The following XDH variants were observed in gnomAD, a reference collection of about 807,000 sequenced individuals.
The protein encoded by XDH is xanthine dehydrogenase.
A neutral mutation model predicts 156.1 loss-of-function variants in XDH; 138 were observed. The ratio of observed to expected loss-of-function variants is 0.88; its 90% CI spans 0.77 to 1.02. XDH has a LOEUF of 1.02. Among genes scored for constraint, XDH ranks in the 50% least tolerant of loss-of-function variants. XDH has a pLI of 0.00. For missense variants in XDH, 1,849 were observed against 1,684.9 expected, an observed-to-expected ratio of 1.10 and a Z score of -1.71; for synonymous variants, 669 against 625.7, an observed-to-expected ratio of 1.07 and a Z score of -1.03.
chr2:31,346,919 C>CA (rs1252712368), intron 29 of XDH, 76 bp from the exon 30 acceptor site: 1 of 1,592,280 alleles, frequency 6.3e-7, no homozygotes, highest in East Asian at 2.2e-5. Flanking sequence ...CCGAGGGCCC[C>CA]AGCAAGGCTA....
intron 24 of XDH, among the ~76,000 whole-genome samples, chr2:31,360,568 T>C (rs1192866363): frequency 6.6e-6 from 1 of 152,216 alleles, no homozygotes; most frequent in African/African-American, 2.4e-5. Flanking sequence ...TCTCCTGCTC[T>C]GTCCTGTGCG....
At chr2:31,400,589 G>A (rs944645170) in intron 4 of XDH, among the ~76,000 whole-genome samples, 1 of 152,102 alleles carries the variant, frequency 6.6e-6, no homozygotes, top group Non-Finnish European at 1.5e-5. Context: ...CCCCAAACCA[G>A]TCTAAGATTA....
In XDH at chr2:31,337,763, C is replaced by T; in HGVS notation, c.3829G>A (p.Asp1277Asn). Reference sequence around the variant, plus strand: ...TGAGCTCGAGCTGCACGGATGGCATCTTTGATGGCAAAGAAGATAGAAGCA... The same window carrying T: ...TGAGCTCGAGCTGCACGGATGGCATTTTTGATGGCAAAGAAGATAGAAGCA... ...LAASIFFAIK[D>N]AIRAARAQHT... Residue 1277 changes from aspartate (D) to asparagine (N), a missense_variant, in exon 35 of 36, where the codon GAT becomes AAT. Asp to Asn is a conservative substitution (Grantham distance 23, BLOSUM62 1). Transcript: ENST00000379416. The T allele has an allele frequency of 1.2e-6, 2 of 1,614,216 alleles. No homozygotes were observed. The highest frequency in any genetic ancestry group is 1.7e-6 in the Non-Finnish European group (2 of 1,180,040).
In XDH at chr2:31,349,744, C is replaced by T. The variant is rs148921536; in HGVS notation, c.2911G>A (p.Glu971Lys). The change falls in exon 26 of 36, where the codon GAA (glutamate) becomes AAA (lysine). Residue 971 changes from glutamate (E) to lysine (K), a missense_variant. Transcript: ENST00000379416. ...EGFTLPRCWE[E>K]CLASSQYHAR... ...TGATACTGAGAGCTTGCTAGGCATT[C>T]TTCCCAGCATCTGGGCAAGGTGAAA... The T allele has an allele frequency of 1.1e-4, 172 of 1,614,100 alleles. No individual in the cohort carries two copies. The highest frequency in any genetic ancestry group is 1.4e-4 in the Non-Finnish European group (167 of 1,180,052).
intron 31 of XDH, among the ~76,000 whole-genome samples, chr2:31,343,285 CATATATATATATATATATATATATATAT>C (rs60481824): frequency 5.0e-4 from 34 of 68,378 alleles, no homozygotes; most frequent in Non-Finnish European, 7.4e-4. Context: ...ATTTCTTCAC[CATATATATATATATATATATATATATAT>C]ATATATATAT....
intron 24 of XDH, among the ~76,000 whole-genome samples, chr2:31,352,758 T>G: frequency 6.6e-6 from 1 of 152,232 alleles, no homozygotes. Context: ...ATTCTTTTTT[T>G]GAACAATTTT....
At chr2:31,353,098 C>G (rs571172230) in intron 24 of XDH, among the ~76,000 whole-genome samples, 1 of 150,530 alleles carries the variant, frequency 6.6e-6, no homozygotes, top group Non-Finnish European at 1.5e-5. Flanking sequence ...ATTTAAAAAA[C>G]TGTAAAAAGT....
intron 24 of XDH, among the ~76,000 whole-genome samples, chr2:31,350,617 G>A (rs1486648547): frequency 5.9e-5 from 9 of 151,780 alleles, no homozygotes; most frequent in South Asian, 2.1e-4. Context: ...CTCGTGATCC[G>A]CCCGCCTTGG....
intron 24 of XDH, among the ~76,000 whole-genome samples, chr2:31,362,133 G>C (rs890132636): frequency 6.6e-6 from 1 of 152,034 alleles, no homozygotes; most frequent in African/African-American, 2.4e-5. Flanking sequence ...TGCCTTTTGG[G>C]GTGAGTAGAG....
At chr2:31,393,448 A>C (rs756747916) in intron 6 of XDH, among the ~76,000 whole-genome samples, 1 of 152,004 alleles carries the variant, frequency 6.6e-6, no homozygotes, top group East Asian at 1.9e-4. Context: ...CTTTCTTTCG[A>C]TTAGTATATC....
At chr2:31,402,261 T>C (rs1376223512) in intron 3 of XDH, among the ~76,000 whole-genome samples, 2 of 152,252 alleles carry the variant, frequency 1.3e-5, no homozygotes, top group Non-Finnish European at 2.9e-5. Context: ...AAGGCAATTG[T>C]ATAATTGTAA....
At position 31,403,105 on chromosome 2, in the gene XDH, C is replaced by T. The variant is rs1403617469; in HGVS notation, c.140G>A (p.Gly47Asp). Residue 47 changes from glycine to aspartate, a missense_variant, in exon 3 of 36, where the codon GGC becomes GAC. Coordinates refer to ENST00000379416, the MANE Select transcript of XDH (RefSeq NM_000379.4). ...GAGCATCACTGTGCAAGCCCCGCAG[C>T]CCCCCTCTCCACAGCCGAGCTTGGT... ...SGTKLGCGEG[G>D]CGACTVMLSK... 1 of 1,614,136 alleles carries T rather than the reference C, an allele frequency of 6.2e-7. No individual in the cohort carries two copies. Among genetic ancestry groups the T allele is most frequent in the African/African-American group, 1.3e-5 (1 of 75,056 alleles).
chr2:31,367,111 G>T, intron 20 of XDH, 117 bp from the exon 21 acceptor site: 1 of 1,549,816 alleles, frequency 6.5e-7, no homozygotes. Flanking sequence ...GCTACCTGAG[G>T]GGTAACCTCA....
chr2:31,384,833 T>C (rs1321140393), intron 9 of XDH, among the ~76,000 whole-genome samples: 1 of 152,182 alleles, frequency 6.6e-6, no homozygotes, highest in African/African-American at 2.4e-5. Flanking sequence ...AGAACACAGA[T>C]TGAAGCAGCA....
rs1290488975 is a variant in XDH, at chr2:31,334,816, G to A, written c.*1142C>T. The A allele has an allele frequency of 1.3e-5, 2 of 152,136 alleles. No homozygotes were observed. The highest frequency in any genetic ancestry group is 2.9e-5 in the Non-Finnish European group (2 of 68,028). The allele number at this position is 152,136 out of a possible 1,614,324, so 9.4% of individuals were successfully genotyped here. A position where few individuals can be genotyped will look rare whatever the true frequency, so the allele number is the denominator to read the frequency against. On this transcript the variant is annotated 3_prime_UTR_variant, in exon 36 of 36. Transcript: ENST00000379416. ...AGACAGAGCTAGGATGAGAACCCAG[G>A]CTTCTTGGCTCTTCTACCTCTGGTT... is the stretch of plus-strand genomic sequence containing the variant.
chr2:31,383,486 C>T (rs1175036811), intron 10 of XDH, among the ~76,000 whole-genome samples: 2 of 152,150 alleles, frequency 1.3e-5, no homozygotes, highest in African/African-American at 4.8e-5. Context: ...TCCCCACCTC[C>T]CCACCCCCGC....
rs369139643 is a variant in XDH at position 31,348,283 on chromosome 2, A to G, written c.3132T>C (p.His1044=). 11 of 1,614,098 alleles carry G rather than the reference A, an allele frequency of 6.8e-6. No homozygotes were observed. The highest frequency in any genetic ancestry group is 1.1e-5 in the South Asian group (1 of 91,076). Residue 1044 remains histidine, a synonymous_variant, in exon 28 of 36, where the codon CAT becomes CAC. Coordinates refer to ENST00000379416, the MANE Select transcript of XDH (RefSeq NM_000379.4). The stretch of plus-strand genomic sequence containing the variant: ...GGCTGCTCACCTGGACCATTTTGGT[A>G]TGAAGGCCTTGGCCCATCTCAGTCC... The part of the protein sequence containing the change: ...HGGTEMGQGL[H]TKMVQVASRA...
intron 6 of XDH, among the ~76,000 whole-genome samples, chr2:31,395,266 G>GT (rs891500752): frequency 3.9e-5 from 6 of 151,934 alleles, no homozygotes; most frequent in African/African-American, 1.2e-4. Flanking sequence ...GCTTCTCAGG[G>GT]TTTTTTTTCT....
At chr2:31,343,306 A>ATATATATATGCATGTT (rs1553411623) in intron 31 of XDH, among the ~76,000 whole-genome samples, 84 of 107,160 alleles carry the variant, frequency 7.8e-4, no homozygotes, top group African/African-American at 1.5e-3. Flanking sequence ...ATATATATAT[A>ATATATATATGCATGTT]TATATATATA....
Sources: gnomAD v4.1 joint callset for allele counts (sites outside exome capture counted in the v4.1 genomes callset) on GRCh38, gnomAD v4.1.1 for gene constraint, MANE v1.5 for transcripts, NCBI Gene and HGNC (gene_info 2026-07-23, HGNC 2026-07-21) for gene names.